NRG1: variants seen among roughly 807,000 people sequenced by gnomAD.
NRG1 encodes the protein neuregulin 1.
In NRG1, 18 loss-of-function variants were observed where a neutral mutation model predicts 63.8. The observed-to-expected ratio is 0.28, with a 90% CI of 0.19 to 0.42. The LOEUF is 0.42. Ranked by LOEUF, NRG1 falls within the 10% of genes least tolerant of loss-of-function variation. The probability of loss-of-function intolerance (pLI) is 1.00; values close to 1 mark genes in which losing one functional copy is unlikely to be tolerated. For missense variants in NRG1, 762 were observed against 814.7 expected (o/e 0.94, Z 0.79); for synonymous variants, 302 against 301.3 (o/e 1.00, Z -0.02).
At chr8:31,947,666 G>T (rs1802788848) in intron 1 of NRG1, among the ~76,000 whole-genome samples, 1 of 151,994 alleles carries the variant, frequency 6.6e-6, no homozygotes, top group Admixed American at 6.6e-5. Context: ...CTTAATGGCT[G>T]GGCATGGTGG....
rs572204302 is a variant in NRG1 at position 31,912,885 on chromosome 8, A to G, written c.37+273454A>G. On this transcript the variant is annotated intron_variant, in intron 1 of 10. Coordinates refer to the NRG1 transcript ENST00000519301. ...GTAGTGCTATTTATTTTTCCTTCTAAAAAATATTTCTGGGTTATGCCTCCA... is the reference window on the plus strand; with the variant it reads ...GTAGTGCTATTTATTTTTCCTTCTAGAAAATATTTCTGGGTTATGCCTCCA... 8.5e-5 allele frequency among the ~76,000 whole-genome samples: 13 copies of G among 152,160 alleles called. 1 individual carries two copies. In the South Asian group the frequency reaches 2.7e-3, roughly 32 times the overall value.
intron 1 of NRG1, among the ~76,000 whole-genome samples, chr8:32,205,925 C>A (rs1286849961): frequency 8.4e-6 from 1 of 118,688 alleles, no homozygotes; most frequent in Non-Finnish European, 1.8e-5. Flanking sequence ...ACACCAAGAC[C>A]ATCTCTCTAC....
intron 1 of NRG1, among the ~76,000 whole-genome samples, chr8:31,933,409 T>G (rs1387302601): frequency 6.6e-6 from 1 of 151,852 alleles, no homozygotes. Flanking sequence ...GCCTCCCGAG[T>G]AGCTGGGATT....
intron 1 of NRG1, among the ~76,000 whole-genome samples, chr8:32,247,124 A>C (rs947099568): frequency 2.0e-5 from 3 of 152,026 alleles, no homozygotes; most frequent in Non-Finnish European, 4.4e-5. Context: ...AAAAAAAGGA[A>C]AGCACTGGCT....
chr8:31,768,117 G>T (rs914487178), intron 1 of NRG1, among the ~76,000 whole-genome samples: 1 of 152,066 alleles, frequency 6.6e-6, no homozygotes, highest in Admixed American at 6.6e-5. Flanking sequence ...ATTCAAAGAA[G>T]TAGAATGGGA....
At chr8:32,706,220 G>A (rs927641641) in intron 5 of NRG1, among the ~76,000 whole-genome samples, 1 of 152,160 alleles carries the variant, frequency 6.6e-6, no homozygotes, top group African/African-American at 2.4e-5. Flanking sequence ...TCGTGGAGAA[G>A]CCCCTTTTGG....
chr8:32,703,522 G>A (rs1318838042), intron 5 of NRG1, among the ~76,000 whole-genome samples: 1 of 148,156 alleles, frequency 6.7e-6, no homozygotes, highest in Non-Finnish European at 1.5e-5. Flanking sequence ...GACAGAGCGA[G>A]ACCCTGTCTA....
intron 1 of NRG1, among the ~76,000 whole-genome samples, chr8:31,843,624 C>T (rs182106696): frequency 2.5e-4 from 38 of 152,112 alleles, no homozygotes; most frequent in Non-Finnish European, 4.6e-4. Flanking sequence ...GTTTCATTGA[C>T]GTGATTCAGA....
At chr8:32,001,865 G>T (rs546142632) in intron 1 of NRG1, among the ~76,000 whole-genome samples, 1 of 152,048 alleles carries the variant, frequency 6.6e-6, no homozygotes, top group South Asian at 2.1e-4. Context: ...CTTGATCACT[G>T]GGCTGAGGTA....
chr8:32,723,088 A>G (rs1019727469), intron 5 of NRG1, among the ~76,000 whole-genome samples: 11 of 152,180 alleles, frequency 7.2e-5, no homozygotes, highest in East Asian at 3.8e-4. Flanking sequence ...TAGTAACAGT[A>G]TCATATATTT....
intron 1 of NRG1, among the ~76,000 whole-genome samples, chr8:32,161,095 C>T (rs1165655109): frequency 6.6e-6 from 1 of 152,178 alleles, no homozygotes; most frequent in Non-Finnish European, 1.5e-5. Flanking sequence ...TTTAAATCCA[C>T]ATTTTGTCCA....
At chr8:32,612,164 A>G (rs1359413062) in intron 3 of NRG1, among the ~76,000 whole-genome samples, 1 of 152,118 alleles carries the variant, frequency 6.6e-6, no homozygotes, top group African/African-American at 2.4e-5. Flanking sequence ...CCAAATTACT[A>G]TGGGAAAATA....
At chr8:32,702,894 C>G (rs1815331685) in intron 5 of NRG1, among the ~76,000 whole-genome samples, 1 of 152,026 alleles carries the variant, frequency 6.6e-6, no homozygotes, top group Admixed American at 6.6e-5. Context: ...GTCTTACAGT[C>G]CCATTTTTGT....
At chr8:32,767,387 A>T (rs939063870) in exon 12 of NRG1, 2 of 152,210 alleles carry the variant, frequency 1.3e-5, no homozygotes, top group African/African-American at 4.8e-5. Context: ...CTTATCTTGT[A>T]TTAATAATAC....
intron 1 of NRG1, among the ~76,000 whole-genome samples, chr8:32,409,303 A>G (rs1234071608): frequency 6.6e-6 from 1 of 152,218 alleles, no homozygotes; most frequent in Non-Finnish European, 1.5e-5. Context: ...TAAAAATCCT[A>G]CAAGAAAATT....
intron 2 of NRG1, among the ~76,000 whole-genome samples, chr8:32,602,061 G>A (rs1412546935): frequency 1.3e-5 from 2 of 152,072 alleles, no homozygotes; most frequent in South Asian, 2.1e-4. Flanking sequence ...TTGAATCTTA[G>A]TCTTGGCCCA....
At chr8:31,962,970 TATC>T (rs1459623766) in intron 1 of NRG1, among the ~76,000 whole-genome samples, 3 of 152,218 alleles carry the variant, frequency 2.0e-5, no homozygotes, top group African/African-American at 7.2e-5. Flanking sequence ...GGACATAACG[TATC>T]ATGTAGACAT....
chr8:32,650,332 G>A (rs1048162305), intron 5 of NRG1, among the ~76,000 whole-genome samples: 1 of 152,102 alleles, frequency 6.6e-6, no homozygotes, highest in Non-Finnish European at 1.5e-5. Flanking sequence ...CAGCTGCAAC[G>A]TTTTGAAGTG....
exon 2 of NRG1, chr8:32,595,946 T>C (rs772695622): frequency 3.7e-6 from 6 of 1,613,674 alleles, no homozygotes; most frequent in Non-Finnish European, 5.1e-6. Context: ...GGTTCAAGAA[T>C]GGGAATGAAT....
Sources: gnomAD v4.1 joint callset for allele counts (sites outside exome capture counted in the v4.1 genomes callset) on GRCh38, gnomAD v4.1.1 for gene constraint, MANE v1.5 for transcripts, NCBI Gene and HGNC (gene_info 2026-07-23, HGNC 2026-07-21) for gene names.